The following CDC42SE2 variants were observed in gnomAD, a reference collection of about 807,000 sequenced individuals.
The protein encoded by CDC42SE2 is CDC42 small effector protein 2.
CDC42SE2 carries 3 observed loss-of-function variants against 11.5 expected under a neutral mutation model. The observed-to-expected ratio is 0.26, with a 90% CI of 0.12 to 0.67. The LOEUF (loss-of-function observed/expected upper bound fraction) is 0.67. Ranked by LOEUF, CDC42SE2 falls within the 30% of genes least tolerant of loss-of-function variation. The pLI is 0.80. For missense variants in CDC42SE2, 82 were observed against 106.8 expected, an observed-to-expected ratio of 0.77 and a Z score of 1.02; for synonymous variants, 33 against 34.8, an observed-to-expected ratio of 0.95 and a Z score of 0.18.
At chr5:131,389,814 C>G (rs1449978761) in intron 4 of CDC42SE2, among the ~76,000 whole-genome samples, 5 of 152,122 alleles carry the variant, frequency 3.3e-5, no homozygotes, top group South Asian at 4.1e-4. Context: ...AATACTCGAC[C>G]ACATTGCTAG....
chr5:131,293,457 G>A (rs755376162), intron 1 of CDC42SE2, among the ~76,000 whole-genome samples: 12 of 151,938 alleles, frequency 7.9e-5, no homozygotes, highest in Non-Finnish European at 1.5e-4. Context: ...CTGTAATCCC[G>A]GTTACCGGGG....
At chr5:131,275,109 G>A (rs1332947950) in intron 1 of CDC42SE2, among the ~76,000 whole-genome samples, 1 of 151,894 alleles carries the variant, frequency 6.6e-6, no homozygotes, top group African/African-American at 2.4e-5. Context: ...GGACAGAGGA[G>A]GTAGGAAAGG....
chr5:131,248,597 C>T (rs1756614959), intron 1 of CDC42SE2, among the ~76,000 whole-genome samples: 1 of 152,052 alleles, frequency 6.6e-6, no homozygotes, highest in Non-Finnish European at 1.5e-5. Flanking sequence ...TAGAAAACCC[C>T]AAATAATCTT....
At chr5:131,289,925 C>T (rs932455739) in intron 1 of CDC42SE2, among the ~76,000 whole-genome samples, 13 of 152,082 alleles carry the variant, frequency 8.5e-5, no homozygotes, top group African/African-American at 3.1e-4. Flanking sequence ...CTACTGCAGC[C>T]TCAAACTCCT....
chr5:131,336,968 C>G lies in CDC42SE2; in HGVS notation c.-286+20824C>G, dbSNP rs114958055. ...ATCTTCTGAAGCCTTCCTCTGTCAGCTCGTCAGTCATTCTCTGTCCAGCTT... is the reference window on the plus strand; with the variant it reads ...ATCTTCTGAAGCCTTCCTCTGTCAGGTCGTCAGTCATTCTCTGTCCAGCTT... On this transcript the variant is annotated intron_variant, in intron 2 of 4. Transcript: ENST00000505065. Among the ~76,000 whole-genome samples the G allele has an allele frequency of 2.0e-3, 301 of 152,288 alleles. 1 individual carries two copies. The highest frequency in any genetic ancestry group is 7.0e-3 in the African/African-American group (290 of 41,582).
intron 3 of CDC42SE2, among the ~76,000 whole-genome samples, chr5:131,377,780 A>G (rs1050737199): frequency 1.3e-5 from 2 of 152,270 alleles, no homozygotes; most frequent in African/African-American, 2.4e-5. Flanking sequence ...AAGAGAGAAA[A>G]TTAAATCAGC....
chr5:131,242,543 G>A (rs2149680990), upstream of CDC42SE2, among the ~76,000 whole-genome samples: 1 of 152,010 alleles, frequency 6.6e-6, no homozygotes, highest in African/African-American at 2.4e-5. Flanking sequence ...AATGGGTCTG[G>A]TGTCATTTTA....
rs1385400403 is a variant in CDC42SE2, at chr5:131,336,112, G to T, written c.-286+19968G>T. The stretch of plus-strand genomic sequence containing the variant: ...GTTTTTGCAGTGGCTGGTACCAGTT[G>T]TTCCTTTCCATGTTTAGTGCTTCCT... On this transcript the variant is annotated intron_variant, in intron 2 of 4. Coordinates refer to ENST00000505065, the MANE Select transcript of CDC42SE2 (RefSeq NM_001375635.1). Among the ~76,000 whole-genome samples the T allele has an allele frequency of 7.2e-5, 11 of 152,290 alleles. No individual in the cohort carries two copies. In the South Asian group the frequency reaches 8.3e-4, roughly 11 times the overall value.
chr5:131,320,042 C>G (rs1398011703), intron 2 of CDC42SE2, among the ~76,000 whole-genome samples: 1 of 115,290 alleles, frequency 8.7e-6, no homozygotes, highest in Non-Finnish European at 1.7e-5. Flanking sequence ...CAGAGCAAGA[C>G]TCCGTCTTAA....
chr5:131,292,738 A>G (rs1330600883), intron 1 of CDC42SE2, among the ~76,000 whole-genome samples: 1 of 150,826 alleles, frequency 6.6e-6, no homozygotes, highest in African/African-American at 2.4e-5. Context: ...CTACCAAAAA[A>G]ATAAAAATAA....
intron 2 of CDC42SE2, among the ~76,000 whole-genome samples, chr5:131,342,946 C>G (rs1294115418): frequency 2.6e-5 from 4 of 152,104 alleles, no homozygotes; most frequent in African/African-American, 9.7e-5. Flanking sequence ...CTCCTGACCT[C>G]AGGTGATCCA....
chr5:131,329,989 A>G (rs1758386742), intron 2 of CDC42SE2, among the ~76,000 whole-genome samples: 1 of 150,698 alleles, frequency 6.6e-6, no homozygotes, highest in African/African-American at 2.4e-5. Flanking sequence ...CTTAACCAAC[A>G]ATTATTCTAT....
intron 1 of CDC42SE2, among the ~76,000 whole-genome samples, chr5:131,281,970 C>T (rs1272260191): frequency 2.0e-5 from 3 of 152,136 alleles, no homozygotes; most frequent in Non-Finnish European, 2.9e-5. Context: ...AATACCATAT[C>T]GTTTTAAAAT....
At chr5:131,286,742 T>G in intron 1 of CDC42SE2, among the ~76,000 whole-genome samples, 1 of 151,474 alleles carries the variant, frequency 6.6e-6, no homozygotes, top group Middle Eastern at 3.4e-3. Flanking sequence ...TTATATTTTC[T>G]CTTCTTTATG....
In CDC42SE2 at chr5:131,285,853, A is replaced by G. The variant is rs1050460074; in HGVS notation, c.-455+21687A>G. Among the ~76,000 whole-genome samples, 8 of 152,252 alleles carry G rather than the reference A, an allele frequency of 5.3e-5. No individual in the cohort carries two copies. The South Asian group carries it at 1.7e-3, about 32-fold the overall frequency. On this transcript the variant is annotated intron_variant, in intron 1 of 4. Transcript: ENST00000505065. ...CACAGCTTCTTCCAGTTGCCTTTAT[A>G]TCTGGTGAGTAGAGTTAGGCTATCA...
chr5:131,306,269 CATAG>C (rs1176052083), intron 1 of CDC42SE2, among the ~76,000 whole-genome samples: 1 of 152,110 alleles, frequency 6.6e-6, no homozygotes, highest in African/African-American at 2.4e-5. Flanking sequence ...ATTGAATAAA[CATAG>C]TATATCTAGG....
At chr5:131,349,303 T>C (rs551179987) in intron 2 of CDC42SE2, among the ~76,000 whole-genome samples, 16 of 126,104 alleles carry the variant, frequency 1.3e-4, no homozygotes, top group Non-Finnish European at 2.2e-4. Context: ...ATGAGAACAC[T>C]TGGACACAGG....
At chr5:131,340,935 C>G (rs1481223647) in intron 2 of CDC42SE2, among the ~76,000 whole-genome samples, 3 of 152,022 alleles carry the variant, frequency 2.0e-5, no homozygotes, top group Non-Finnish European at 4.4e-5. Context: ...CCGTAGCCTC[C>G]CAAAGTGCTG....
At chr5:131,310,775 T>C (rs1368911222) in intron 1 of CDC42SE2, among the ~76,000 whole-genome samples, 2 of 151,970 alleles carry the variant, frequency 1.3e-5, no homozygotes, top group East Asian at 3.9e-4. Context: ...CCCCTGCCTT[T>C]TTTTGTTTTC....
Sources: allele counts gnomAD v4.1 joint callset (sites outside exome capture counted in the v4.1 genomes callset), GRCh38; gene constraint gnomAD v4.1.1; transcripts MANE v1.5; gene names NCBI Gene and HGNC (gene_info 2026-07-23, HGNC 2026-07-21).